TFB1M: variants seen among roughly 807,000 people sequenced by gnomAD.
TFB1M encodes dimethyladenosine transferase 1, mitochondrial.
In TFB1M, 27 loss-of-function variants were observed where a neutral mutation model predicts 31.1. The observed-to-expected ratio is 0.87, with a 90% CI of 0.64 to 1.20. The LOEUF is 1.20. TFB1M is among the 50% of genes most tolerant of loss of function. The pLI, the probability that TFB1M is intolerant of heterozygous loss-of-function variation, is 0.00. For missense variants in TFB1M, 394 were observed against 418.7 expected, an observed-to-expected ratio of 0.94 and a Z score of 0.51; for synonymous variants, 166 against 151.8, an observed-to-expected ratio of 1.09 and a Z score of -0.69.
the TFB1M span, among the ~76,000 whole-genome samples, chr6:155,239,514 G>A: frequency 2.6e-5 from 4 of 152,254 alleles, no homozygotes; most frequent in Admixed American, 6.5e-5. Flanking sequence ...CCCTGCTCCA[G>A]CAACTGTGGA....
At chr6:155,305,187 A>G (rs1777627918) in intron 2 of TFB1M, among the ~76,000 whole-genome samples, 1 of 81,072 alleles carries the variant, frequency 1.2e-5, no homozygotes, top group Non-Finnish European at 2.1e-5. Flanking sequence ...TATATATTAA[A>G]TTATATATTT....
chr6:155,301,068 G>A (rs555404160), intron 2 of TFB1M, among the ~76,000 whole-genome samples: 3 of 152,260 alleles, frequency 2.0e-5, no homozygotes, highest in African/African-American at 7.2e-5. Context: ...GCCTCCCAAA[G>A]TGCTGGGATT....
Position 155,314,080 on chromosome 6 carries a change from C to G in TFB1M, c.133+216G>C, listed in dbSNP as rs187419422. 113 of 1,439,226 alleles carry G rather than the reference C, an allele frequency of 7.9e-5. No individual in the cohort carries two copies. In the East Asian group the frequency reaches 8.6e-4, roughly 11 times the overall value. The allele number at this position is 1,439,226 out of a possible 1,614,324, so 89.2% of individuals were successfully genotyped here. ...TATGCAGCCTGCCGGCAGGCTACACCCCCCCGAACGCGGAGTTTTGTGAGC... is the reference window on the plus strand; with the variant it reads ...TATGCAGCCTGCCGGCAGGCTACACGCCCCCGAACGCGGAGTTTTGTGAGC... On this transcript the variant is annotated intron_variant, in intron 1 of 6. Transcript: ENST00000367166.
Position 155,303,861 on chromosome 6 carries a change from C to T in TFB1M, c.286-5276G>A, listed in dbSNP as rs181401718. ...GAAGAGAACTATTATTCCCATGCTGCAGATGAGAAAGTTGAAGCTAAAAAA... is the reference window on the plus strand; with the variant it reads ...GAAGAGAACTATTATTCCCATGCTGTAGATGAGAAAGTTGAAGCTAAAAAA... On this transcript the variant is annotated intron_variant, in intron 2 of 6. Coordinates refer to ENST00000367166, the MANE Select transcript of TFB1M (RefSeq NM_016020.4). 1.2e-3 allele frequency among the ~76,000 whole-genome samples: 183 copies of T among 152,218 alleles called. 1 individual carries two copies. Among genetic ancestry groups the T allele is most frequent in the Non-Finnish European group, 2.2e-3 (150 of 68,006 alleles).
At chr6:155,275,332 A>G (rs1785133635) in intron 5 of TFB1M, among the ~76,000 whole-genome samples, 1 of 152,232 alleles carries the variant, frequency 6.6e-6, no homozygotes, top group Non-Finnish European at 1.5e-5. Context: ...ATCTCCTAAC[A>G]ACGTACATGT....
the TFB1M span, among the ~76,000 whole-genome samples, chr6:155,233,119 G>A: frequency 1.3e-4 from 20 of 152,276 alleles, no homozygotes; most frequent in African/African-American, 4.1e-4. Context: ...CTCCTGCCAC[G>A]TATTTCATGC....
chr6:155,283,530 T>G (rs572788787), intron 5 of TFB1M, among the ~76,000 whole-genome samples: 1 of 152,344 alleles, frequency 6.6e-6, no homozygotes, highest in Non-Finnish European at 1.5e-5. Context: ...TTTTAATTGA[T>G]AAACTACATA....
downstream of TFB1M, chr6:155,253,210 C>T (rs781039898): frequency 1.8e-5 from 11 of 615,490 alleles, no homozygotes; most frequent in Non-Finnish European, 3.1e-5. Context: ...TGTTCCTTAG[C>T]AGACTTCTGG....
the TFB1M span, among the ~76,000 whole-genome samples, chr6:155,240,328 A>C: frequency 1.3e-5 from 2 of 152,254 alleles, no homozygotes; most frequent in Admixed American, 1.3e-4. Context: ...AACACTGAAC[A>C]TGAGTGTGGG....
In TFB1M at chr6:155,314,465, A is replaced by G. The variant is rs1778166980; in HGVS notation, c.-37T>C. ...AGCACCATCCAACCCTACCTCACCC[A>G]GGACCTTCACCGCCGCTCCGAAAGA... On this transcript the variant is annotated 5_prime_UTR_variant, in exon 1 of 7. Transcript: ENST00000367166. 1.2e-6 allele frequency: 2 copies of G among 1,613,130 alleles called. No individual in the cohort carries two copies. Among genetic ancestry groups the G allele is most frequent in the Middle Eastern group, 1.7e-4 (1 of 5,790 alleles).
At chr6:155,273,303 T>C (rs921133158) in intron 5 of TFB1M, among the ~76,000 whole-genome samples, 3 of 152,250 alleles carry the variant, frequency 2.0e-5, no homozygotes, top group African/African-American at 7.2e-5. Context: ...CTTAAAATCC[T>C]AGGGAAATCC....
At chr6:155,302,539 GTA>G (rs1777475848) in intron 2 of TFB1M, among the ~76,000 whole-genome samples, 1 of 151,862 alleles carries the variant, frequency 6.6e-6, no homozygotes, top group South Asian at 2.1e-4. Flanking sequence ...TTTTTTTTTA[GTA>G]TGTAAAATAA....
At chr6:155,246,483 TTTAA>T in the TFB1M span, among the ~76,000 whole-genome samples, 14 of 151,932 alleles carry the variant, frequency 9.2e-5, no homozygotes, top group African/African-American at 2.4e-4. Flanking sequence ...TTTAATTAAA[TTTAA>T]TTAATTAATT....
chr6:155,256,205 T>C lies in TFB1M; in HGVS notation c.*1631A>G, dbSNP rs573399227. The C allele has an allele frequency of 4.3e-4, 245 of 566,770 alleles. 1 individual carries two copies. In the Middle Eastern group the frequency reaches 6.9e-3, roughly 16 times the overall value. The allele number at this position is 566,770 out of a possible 1,614,324, so 35.1% of individuals were successfully genotyped here. ...TTACTCCTTGGCAAAATAAGAATCT[T>C]AGCCCATGTAGTAGTTTCTAGTGTC... is the stretch of plus-strand genomic sequence containing the variant. On this transcript the variant is annotated 3_prime_UTR_variant, in exon 7 of 7. Transcript: ENST00000367166.
chr6:155,262,073 C>G (rs1784417483), intron 5 of TFB1M, among the ~76,000 whole-genome samples: 1 of 152,208 alleles, frequency 6.6e-6, no homozygotes. Context: ...CACCATAGAA[C>G]AGTGCCCAGC....
At chr6:155,278,279 C>T (rs1785311901) in intron 5 of TFB1M, among the ~76,000 whole-genome samples, 1 of 152,204 alleles carries the variant, frequency 6.6e-6, no homozygotes, top group Admixed American at 6.5e-5. Flanking sequence ...AGTTCAAGCC[C>T]GCATCTGCAC....
intron 1 of TFB1M, chr6:155,314,004 T>G (rs943777173): frequency 1.5e-5 from 14 of 914,292 alleles, no homozygotes; most frequent in South Asian, 1.1e-4. Flanking sequence ...CAATATTCAC[T>G]AGCGCCTTTC....
intron 2 of TFB1M, among the ~76,000 whole-genome samples, chr6:155,303,716 C>A (rs1777536662): frequency 6.6e-6 from 1 of 152,120 alleles, no homozygotes; most frequent in African/African-American, 2.4e-5. Context: ...CTGAAATTAC[C>A]TCATATGTCT....
chr6:155,253,944 G>T, downstream of TFB1M: 1 of 1,586,458 alleles, frequency 6.3e-7, no homozygotes. Flanking sequence ...CAAAGTTGTA[G>T]ACTCTTGTTT....
Sources: gnomAD v4.1 joint callset for allele counts (sites outside exome capture counted in the v4.1 genomes callset) on GRCh38, gnomAD v4.1.1 for gene constraint, MANE v1.5 for transcripts, NCBI Gene and HGNC (gene_info 2026-07-23, HGNC 2026-07-21) for gene names.